The following SLC25A13 variants were observed in gnomAD, a reference collection of about 807,000 sequenced individuals.
The protein encoded by SLC25A13 is electrogenic aspartate/glutamate antiporter SLC25A13, mitochondrial.
A neutral mutation model predicts 85.5 loss-of-function variants in SLC25A13; 70 were observed. The ratio of observed to expected loss-of-function variants is 0.82; its 90% CI spans 0.68 to 1.00. The LOEUF (loss-of-function observed/expected upper bound fraction) is 1.00, where lower values mean the gene tolerates loss of function less well. SLC25A13 is among the 50% of genes least tolerant of loss of function. The pLI, the probability that SLC25A13 is intolerant of heterozygous loss-of-function variation, is 0.00. For missense variants in SLC25A13, 765 were observed against 819.8 expected (o/e 0.93, Z 0.82); for synonymous variants, 259 against 288.7 (o/e 0.90, Z 1.04).
intron 4 of SLC25A13, among the ~76,000 whole-genome samples, chr7:96,228,567 G>T (rs1039881723): frequency 6.6e-6 from 1 of 152,200 alleles, no homozygotes; most frequent in South Asian, 2.1e-4. Flanking sequence ...GGCAGTCCTC[G>T]CTCGCTCTAG....
chr7:96,229,124 C>T (rs553617130), intron 4 of SLC25A13, among the ~76,000 whole-genome samples: 25 of 152,326 alleles, frequency 1.6e-4, no homozygotes, highest in African/African-American at 4.8e-4. Flanking sequence ...TGGGCAGCTC[C>T]GCCCGCAGCC....
chr7:96,147,951 T>G (rs1792871868), intron 13 of SLC25A13, among the ~76,000 whole-genome samples: 1 of 151,976 alleles, frequency 6.6e-6, no homozygotes, highest in Non-Finnish European at 1.5e-5. Flanking sequence ...TTGATGTATT[T>G]GAAATTTTTT....
chr7:96,126,818 A>G (rs1332541722), intron 15 of SLC25A13, among the ~76,000 whole-genome samples: 1 of 152,234 alleles, frequency 6.6e-6, no homozygotes, highest in Admixed American at 6.5e-5. Flanking sequence ...ATGGATGAAT[A>G]TGCTCAGTCT....
chr7:96,146,451 A>G (rs1278510361), intron 14 of SLC25A13, 105 bp downstream of exon 14: 1 of 1,433,104 alleles, frequency 7.0e-7, no homozygotes. Context: ...CATCTTCTCC[A>G]GGTGTAGAAA....
chr7:96,165,560 C>A (rs1469636996), intron 13 of SLC25A13, among the ~76,000 whole-genome samples: 1 of 152,126 alleles, frequency 6.6e-6, no homozygotes, highest in Non-Finnish European at 1.5e-5. Flanking sequence ...ATGAGTTGCA[C>A]TAATGGGAAA....
rs1349970303 is a variant in SLC25A13 at position 96,120,938 on chromosome 7, C to T, written c.*253G>A. 1 of 601,000 alleles carries T rather than the reference C, an allele frequency of 1.7e-6. No individual in the cohort carries two copies. Among genetic ancestry groups the T allele is most frequent in the East Asian group, 3.6e-5 (1 of 27,652 alleles). 37.2% of individuals were successfully genotyped at this position (601,000 alleles called of 1,614,324 possible). On this transcript the variant is annotated 3_prime_UTR_variant, in exon 18 of 18. Transcript: ENST00000265631. ...TTTCCCCAAATCATGTTAGTGTTGA[C>T]CAAATCCCATCAATTTTCAGATGCA...
intron 2 of SLC25A13, among the ~76,000 whole-genome samples, chr7:96,283,196 T>G (rs1481668377): frequency 6.6e-6 from 1 of 152,144 alleles, no homozygotes; most frequent in African/African-American, 2.4e-5. Context: ...GTCATGATAG[T>G]AAAGCACAGG....
rs552796528 is a variant in SLC25A13, at chr7:96,179,489, T to G, written c.1177+4788A>C. On this transcript the variant is annotated intron_variant, in intron 11 of 17. Transcript: ENST00000265631. ...ATTCTCTCACCCACCTTAGATCCAG[T>G]GTGTGTCGCCTCAGTCTCAGATTAC... Among the ~76,000 whole-genome samples the G allele has an allele frequency of 3.9e-5, 6 of 152,362 alleles. No individual in the cohort carries two copies. The South Asian group carries it at 1.2e-3, about 32-fold the overall frequency.
intron 1 of SLC25A13, among the ~76,000 whole-genome samples, chr7:96,298,392 A>G (rs1799428675): frequency 1.3e-5 from 2 of 152,020 alleles, no homozygotes; most frequent in Non-Finnish European, 2.9e-5. Flanking sequence ...ATTTCAGCTG[A>G]GTGCTTGTAA....
At position 96,121,642 on chromosome 7, in the gene SLC25A13, G is replaced by A; in HGVS notation, c.1841+13C>T. The A allele has an allele frequency of 1.2e-6, 2 of 1,613,622 alleles. No individual in the cohort carries two copies. Among genetic ancestry groups the A allele is most frequent in the African/African-American group, 2.7e-5 (2 of 74,990 alleles). ...CAGCCAAAATTTAGCAGCAGATTTA[G>A]CATGATACTTACACTCCTCCAAAAT... On this transcript the variant is annotated intron_variant, in intron 17 of 17. Transcript: ENST00000265631.
In SLC25A13 at chr7:96,276,400, T is replaced by C. The variant is rs188827725; in HGVS notation, c.212+796A>G. Reference sequence around the variant, plus strand: ...ACTTTGGGAGGTAGAGGCAAGCGGATGGCTTGAGCCCAGGAGTTTGAGACC... The same window carrying C: ...ACTTTGGGAGGTAGAGGCAAGCGGACGGCTTGAGCCCAGGAGTTTGAGACC... On this transcript the variant is annotated intron_variant, in intron 3 of 17. Transcript: ENST00000265631. 2.7e-3 allele frequency among the ~76,000 whole-genome samples: 408 copies of C among 152,222 alleles called. 6 individuals carry two copies. Among genetic ancestry groups the C allele is most frequent in the South Asian group, 0.027 (128 of 4,816 alleles).
At chr7:96,318,183 T>C (rs553868035) in intron 1 of SLC25A13, among the ~76,000 whole-genome samples, 3 of 152,294 alleles carry the variant, frequency 2.0e-5, no homozygotes, top group South Asian at 4.1e-4. Context: ...TTGGTCTGTG[T>C]TCAGTTTTAC....
At chr7:96,128,110 C>T (rs1791806554) in intron 15 of SLC25A13, among the ~76,000 whole-genome samples, 1 of 152,160 alleles carries the variant, frequency 6.6e-6, no homozygotes, top group African/African-American at 2.4e-5. Context: ...CCCTGCTCAC[C>T]CCATGACATC....
chr7:96,235,000 A>G (rs1384049094), intron 3 of SLC25A13, 83 bp from the exon 4 acceptor site: 2 of 928,548 alleles, frequency 2.2e-6, no homozygotes, highest in Non-Finnish European at 3.4e-6. Context: ...GAGGGAAAAA[A>G]TAAGATATCA....
chr7:96,306,914 T>TTCA, intron 1 of SLC25A13: 1 of 1,026,356 alleles, frequency 9.7e-7, no homozygotes, highest in Non-Finnish European at 1.5e-6. Context: ...CCTTCACTTG[T>TTCA]GTGCCTGGAG....
At chr7:96,174,130 G>A (rs761733988) in intron 11 of SLC25A13, among the ~76,000 whole-genome samples, 1 of 152,176 alleles carries the variant, frequency 6.6e-6, no homozygotes, top group South Asian at 2.1e-4. Flanking sequence ...AGGTGGGAGC[G>A]CCTGTCCCCA....
At chr7:96,238,767 CCAGGGGAACTTGCTGG>C (rs977867467) in intron 3 of SLC25A13, among the ~76,000 whole-genome samples, 2 of 151,936 alleles carry the variant, frequency 1.3e-5, no homozygotes, top group African/African-American at 4.8e-5. Flanking sequence ...GTGCTGCTCT[CCAGGGGAACTTGCTGG>C]CAGTTTGTTG....
chr7:96,271,251 T>C (rs1281384986), intron 3 of SLC25A13, among the ~76,000 whole-genome samples: 1 of 152,160 alleles, frequency 6.6e-6, no homozygotes, highest in Non-Finnish European at 1.5e-5. Context: ...CTAAATTTAG[T>C]CAACAAATTG....
chr7:96,131,547 C>T (rs933436781), intron 15 of SLC25A13, among the ~76,000 whole-genome samples, 196 bp downstream of exon 15: 2 of 152,262 alleles, frequency 1.3e-5, no homozygotes, highest in Middle Eastern at 3.4e-3. Flanking sequence ...AGAAATTAAG[C>T]TTGTCTAATA....
Sources: gnomAD v4.1 joint callset for allele counts (sites outside exome capture counted in the v4.1 genomes callset) on GRCh38, gnomAD v4.1.1 for gene constraint, MANE v1.5 for transcripts, NCBI Gene and HGNC (gene_info 2026-07-23, HGNC 2026-07-21) for gene names.